The following FAM227B variants were observed in gnomAD, a reference collection of about 807,000 sequenced individuals.
FAM227B encodes family with sequence similarity 227 member B.
A neutral mutation model predicts 73.8 loss-of-function variants in FAM227B; 88 were observed. That is an observed-to-expected ratio of 1.19 (90% confidence interval 1.00 to 1.42). The LOEUF (loss-of-function observed/expected upper bound fraction) is 1.42, where lower values mean the gene tolerates loss of function less well. Among genes scored for constraint, FAM227B ranks in the 40% most tolerant of loss-of-function variants. The probability of loss-of-function intolerance (pLI) is 0.00; values close to 1 mark genes in which losing one functional copy is unlikely to be tolerated. For missense variants in FAM227B, 632 were observed against 590.9 expected (o/e 1.07, Z -0.72); for synonymous variants, 210 against 190.5 (o/e 1.10, Z -0.84).
At chr15:49,465,518 A>G (rs1207455899) in intron 11 of FAM227B, among the ~76,000 whole-genome samples, 1 of 152,122 alleles carries the variant, frequency 6.6e-6, no homozygotes, top group South Asian at 2.1e-4. Flanking sequence ...AACATATGTA[A>G]GTTGTTACCC....
intron 5 of FAM227B, among the ~76,000 whole-genome samples, chr15:49,581,537 C>T (rs567151146): frequency 3.3e-5 from 5 of 152,106 alleles, no homozygotes; most frequent in East Asian, 3.9e-4. Context: ...AGGATGGTCT[C>T]AAATTCTTGA....
At chr15:49,351,776 C>T (rs923209118) in intron 13 of FAM227B, among the ~76,000 whole-genome samples, 4 of 152,146 alleles carry the variant, frequency 2.6e-5, no homozygotes, top group South Asian at 2.1e-4. Context: ...AGGTCTGAAG[C>T]TCAGATGACC....
Position 49,575,115 on chromosome 15 carries a change from GA to G in FAM227B, c.547-7del, listed in dbSNP as rs759985462. ...CAGATTTTAAAAACTCTTTCCTATGGAAAAAAACAAGAGAGAGATGCATGGA... is the reference window on the plus strand; with the variant it reads ...CAGATTTTAAAAACTCTTTCCTATGGAAAAAACAAGAGAGAGATGCATGGA... On this transcript the variant is annotated splice_polypyrimidine_tract_variant and splice_region_variant and intron_variant, in intron 7 of 15. Coordinates refer to ENST00000299338, the MANE Select transcript of FAM227B (RefSeq NM_152647.3). The G allele has an allele frequency of 7.4e-6, 11 of 1,496,202 alleles. No individual in the cohort carries two copies. The highest frequency in any genetic ancestry group is 2.4e-5 in the South Asian group (2 of 83,838). The allele number at this position is 1,496,202 out of a possible 1,614,324, so 92.7% of individuals were successfully genotyped here.
intron 11 of FAM227B, among the ~76,000 whole-genome samples, chr15:49,412,024 C>T (rs1008887653): frequency 1.3e-5 from 2 of 152,058 alleles, no homozygotes; most frequent in African/African-American, 4.8e-5. Flanking sequence ...ATTTATTACA[C>T]ATACAGTACT....
At chr15:49,573,571 G>A (rs143097188) in intron 8 of FAM227B, among the ~76,000 whole-genome samples, 127 of 152,244 alleles carry the variant, frequency 8.3e-4, no homozygotes, top group African/African-American at 2.9e-3. Flanking sequence ...GTTATCATAG[G>A]AGGGGCCCTC....
chr15:49,353,875 T>A (rs999879166), intron 13 of FAM227B: 1 of 152,232 alleles, frequency 6.6e-6, no homozygotes, highest in Non-Finnish European at 1.5e-5. Flanking sequence ...AAGTAGTCAA[T>A]GACTTGAAAT....
At chr15:49,502,664 G>A (rs1340035513) in intron 11 of FAM227B, among the ~76,000 whole-genome samples, 2 of 152,176 alleles carry the variant, frequency 1.3e-5, no homozygotes, top group African/African-American at 4.8e-5. Flanking sequence ...AGTTAATGCT[G>A]GAATGAGTTA....
intron 13 of FAM227B, chr15:49,365,563 G>C: frequency 1.1e-6 from 1 of 887,746 alleles, no homozygotes. Context: ...AAAAGGTCCA[G>C]CTGCAAGTTT....
Position 49,437,099 on chromosome 15 carries a change from T to C in FAM227B, c.1013-65700A>G, listed in dbSNP as rs564692848. 9.0e-4 allele frequency among the ~76,000 whole-genome samples: 137 copies of C among 151,732 alleles called. 5 individuals carry two copies. In the South Asian group the frequency reaches 0.027, roughly 30 times the overall value. ...TCCTGACATTTATTAAAACTATTTA[T>C]ACTTCTGTTCTTTAGGGTCTGGAAA... On this transcript the variant is annotated intron_variant, in intron 11 of 15. Transcript: ENST00000299338.
chr15:49,380,804 C>T (rs2046478007), intron 11 of FAM227B, among the ~76,000 whole-genome samples: 1 of 152,038 alleles, frequency 6.6e-6, no homozygotes, highest in South Asian at 2.1e-4. Flanking sequence ...ATTTAATTGG[C>T]CCCTTGTGAC....
rs529505577 is a variant in FAM227B, at chr15:49,457,215, G to A, written c.1012+50996C>T. Among the ~76,000 whole-genome samples, 16 of 152,126 alleles carry A rather than the reference G, an allele frequency of 1.1e-4. No individual in the cohort carries two copies. The East Asian group carries it at 2.9e-3, about 28-fold the overall frequency. On this transcript the variant is annotated intron_variant, in intron 11 of 15. Transcript: ENST00000299338. ...CAGTTTATTGGATTCATTGGAATCAGGAGAAAGTAGGCAAAGAGAGAAGAG... is the reference window on the plus strand; with the variant it reads ...CAGTTTATTGGATTCATTGGAATCAAGAGAAAGTAGGCAAAGAGAGAAGAG...
intron 10 of FAM227B, among the ~76,000 whole-genome samples, chr15:49,525,503 C>T (rs1278145595): frequency 6.6e-6 from 1 of 151,138 alleles, no homozygotes; most frequent in East Asian, 1.9e-4. Flanking sequence ...ACTAATAAAC[C>T]AGCCAATCAT....
intron 11 of FAM227B, chr15:49,425,472 C>T (rs1351296205): frequency 6.6e-6 from 1 of 151,864 alleles, no homozygotes; most frequent in Non-Finnish European, 1.5e-5. Context: ...ATTTAAAATA[C>T]TTAGTAAAAA....
chr15:49,574,166 A>G (rs977439252), intron 8 of FAM227B, among the ~76,000 whole-genome samples: 1 of 151,988 alleles, frequency 6.6e-6, no homozygotes, highest in African/African-American at 2.4e-5. Context: ...TCTTTTTTGT[A>G]GTTAAGGTCC....
intron 11 of FAM227B, among the ~76,000 whole-genome samples, chr15:49,403,593 G>T (rs1478001218): frequency 6.6e-6 from 1 of 152,102 alleles, no homozygotes; most frequent in Non-Finnish European, 1.5e-5. Context: ...GTATTTCTGT[G>T]AGCTAGGGGT....
intron 10 of FAM227B, among the ~76,000 whole-genome samples, chr15:49,531,737 G>A (rs1004360256): frequency 2.6e-5 from 4 of 151,850 alleles, no homozygotes; most frequent in East Asian, 3.9e-4. Context: ...TCTGCCAAAC[G>A]CCTGAGAGAA....
At chr15:49,396,377 A>T (rs1350362386) in intron 11 of FAM227B, 1 of 243,906 alleles carries the variant, frequency 4.1e-6, no homozygotes, top group African/African-American at 2.4e-5. Flanking sequence ...TTGCTAGCAC[A>T]GCAGTCTGAG....
intron 10 of FAM227B, among the ~76,000 whole-genome samples, chr15:49,526,470 A>G (rs2060212251): frequency 6.6e-6 from 1 of 152,126 alleles, no homozygotes; most frequent in African/African-American, 2.4e-5. Context: ...TAACAACCTA[A>G]CATTTACCCC....
intron 9 of FAM227B, among the ~76,000 whole-genome samples, chr15:49,549,967 CCCCCCA>C (rs2072604967): frequency 9.2e-6 from 1 of 108,248 alleles, no homozygotes; most frequent in Non-Finnish European, 2.4e-5. Flanking sequence ...GGGGGCTGAC[CCCCCCA>C]CCTCCCTCCC....
Sources: allele counts gnomAD v4.1 joint callset (sites outside exome capture counted in the v4.1 genomes callset), GRCh38; gene constraint gnomAD v4.1.1; transcripts MANE v1.5; gene names NCBI Gene and HGNC (gene_info 2026-07-23, HGNC 2026-07-21).